The following TPRG1 variants were observed in gnomAD, a reference collection of about 807,000 sequenced individuals.
TPRG1 encodes tumor protein p63 regulated 1.
In TPRG1, 29 loss-of-function variants were observed where a neutral mutation model predicts 29.3. The observed-to-expected ratio is 0.99, with a 90% CI of 0.74 to 1.35. The LOEUF (loss-of-function observed/expected upper bound fraction) is 1.35, where lower values mean the gene tolerates loss of function less well. Ranked by LOEUF, TPRG1 falls within the 40% of genes most tolerant of loss-of-function variation. The pLI is 0.00. For missense variants in TPRG1, 327 were observed against 335.0 expected (o/e 0.98, Z 0.19); for synonymous variants, 130 against 116.8 (o/e 1.11, Z -0.73).
chr3:189,295,471 ACT>A (rs1719736399), intron 4 of TPRG1, among the ~76,000 whole-genome samples: 1 of 147,124 alleles, frequency 6.8e-6, no homozygotes, highest in African/African-American at 2.5e-5. Flanking sequence ...GTTAACATAA[ACT>A]CTATTGGGTA....
At chr3:189,105,191 G>T (rs1334595357) in intron 1 of TPRG1, among the ~76,000 whole-genome samples, 1 of 152,108 alleles carries the variant, frequency 6.6e-6, no homozygotes, top group Admixed American at 6.6e-5. Context: ...TTGGGGAGAT[G>T]AGACTTGATT....
chr3:189,009,980 G>T (rs888138401), intron 3 of TPRG1, among the ~76,000 whole-genome samples: 1 of 151,914 alleles, frequency 6.6e-6, no homozygotes, highest in Non-Finnish European at 1.5e-5. Flanking sequence ...AGTGCATGTT[G>T]TTCCCTACCA....
intron 2 of TPRG1, among the ~76,000 whole-genome samples, chr3:189,212,583 A>G (rs1256211288): frequency 6.6e-6 from 1 of 151,020 alleles, no homozygotes; most frequent in African/African-American, 2.4e-5. Context: ...TTTTTTCTTT[A>G]TGAGAGCAGA....
At chr3:189,116,372 T>G (rs960232868) in intron 1 of TPRG1, among the ~76,000 whole-genome samples, 1 of 152,056 alleles carries the variant, frequency 6.6e-6, no homozygotes, top group Non-Finnish European at 1.5e-5. Flanking sequence ...AGAGTTGAGG[T>G]TTCACCATCT....
intron 4 of TPRG1, among the ~76,000 whole-genome samples, chr3:189,032,888 A>G (rs962342644): frequency 6.6e-6 from 1 of 151,004 alleles, no homozygotes; most frequent in African/African-American, 2.4e-5. Flanking sequence ...GAGAATGATG[A>G]TTTCCAATTT....
intron 1 of TPRG1, among the ~76,000 whole-genome samples, chr3:189,175,244 G>C (rs1560514431): frequency 6.6e-6 from 1 of 152,180 alleles, no homozygotes; most frequent in Non-Finnish European, 1.5e-5. Flanking sequence ...AGAGATAATT[G>C]TAAGGATGAA....
intron 4 of TPRG1, among the ~76,000 whole-genome samples, chr3:189,069,324 G>A (rs183883304): frequency 6.6e-6 from 1 of 152,108 alleles, no homozygotes; most frequent in Non-Finnish European, 1.5e-5. Flanking sequence ...TGGAGAACAG[G>A]TTAATGGTTA....
chr3:189,092,243 G>T (rs538788571), intron 4 of TPRG1, among the ~76,000 whole-genome samples: 2 of 152,074 alleles, frequency 1.3e-5, no homozygotes, highest in Non-Finnish European at 2.9e-5. Flanking sequence ...CCACCTGTGG[G>T]ATCTGTTAAA....
intron 3 of TPRG1, among the ~76,000 whole-genome samples, chr3:189,221,788 A>G (rs981911471): frequency 6.6e-6 from 1 of 152,154 alleles, no homozygotes; most frequent in Non-Finnish European, 1.5e-5. Context: ...CAATTCTCAA[A>G]CAGACCCATG....
intron 4 of TPRG1, among the ~76,000 whole-genome samples, chr3:189,031,549 T>C (rs896317316): frequency 2.0e-5 from 3 of 152,246 alleles, no homozygotes; most frequent in Admixed American, 6.5e-5. Context: ...CTTACATTGC[T>C]GGCTTTTCTC....
intron 3 of TPRG1, among the ~76,000 whole-genome samples, chr3:189,005,296 A>ATAC (rs1235647480): frequency 1.3e-5 from 2 of 152,126 alleles, no homozygotes; most frequent in African/African-American, 4.8e-5. Flanking sequence ...GTAAAGTGTG[A>ATAC]TACAAAGTGG....
chr3:189,194,132 T>C (rs1242685585), intron 1 of TPRG1, among the ~76,000 whole-genome samples: 1 of 151,976 alleles, frequency 6.6e-6, no homozygotes, highest in Non-Finnish European at 1.5e-5. Context: ...GTGACCGTTT[T>C]TCTGCATAGG....
intron 4 of TPRG1, among the ~76,000 whole-genome samples, chr3:189,062,496 C>CA (rs986283165): frequency 1.3e-5 from 2 of 151,730 alleles, no homozygotes; most frequent in Non-Finnish European, 2.9e-5. Context: ...AAAGAAGGAA[C>CA]AAAAAAATAG....
intron 3 of TPRG1, among the ~76,000 whole-genome samples, chr3:189,012,393 GT>G (rs1421340110): frequency 6.6e-6 from 1 of 152,126 alleles, no homozygotes; most frequent in African/African-American, 2.4e-5. Context: ...TAATCATGTG[GT>G]TTTTGTCTTT....
At chr3:189,127,697 C>T (rs1297014826) in intron 2 of TPRG1, among the ~76,000 whole-genome samples, 4 of 152,146 alleles carry the variant, frequency 2.6e-5, no homozygotes, top group Admixed American at 6.5e-5. Flanking sequence ...ACAAACCATA[C>T]TTGATTTGGA....
intron 3 of TPRG1, among the ~76,000 whole-genome samples, chr3:189,218,405 C>G (rs1219037072): frequency 2.6e-5 from 4 of 152,084 alleles, no homozygotes; most frequent in African/African-American, 9.7e-5. Context: ...CGTGAGCCAT[C>G]GCGCCCGGCC....
chr3:189,229,556 A>G (rs559909129), intron 3 of TPRG1, among the ~76,000 whole-genome samples: 29 of 152,356 alleles, frequency 1.9e-4, no homozygotes, highest in South Asian at 4.1e-4. Flanking sequence ...AAATTCATGT[A>G]CAGTCAGGAC....
chr3:189,283,676 C>G (rs899408214), intron 4 of TPRG1, among the ~76,000 whole-genome samples: 2 of 152,174 alleles, frequency 1.3e-5, no homozygotes, highest in Admixed American at 1.3e-4. Flanking sequence ...TTGTTGATTT[C>G]ATAAACATTT....
At chr3:189,125,956 C>A (rs1722435167) in intron 1 of TPRG1, among the ~76,000 whole-genome samples, 1 of 151,894 alleles carries the variant, frequency 6.6e-6, no homozygotes, top group Non-Finnish European at 1.5e-5. Flanking sequence ...TGATGGCACT[C>A]CATCTTTATT....
Sources: allele counts gnomAD v4.1 joint callset (sites outside exome capture counted in the v4.1 genomes callset), GRCh38; gene constraint gnomAD v4.1.1; transcripts MANE v1.5; gene names NCBI Gene and HGNC (gene_info 2026-07-23, HGNC 2026-07-21).